Variants in KCNMA1 observed in about 807,000 individuals in gnomAD.
The protein encoded by KCNMA1 is Calcium-activated potassium channel subunit alpha-1.
A neutral mutation model predicts 140.0 loss-of-function variants in KCNMA1; 29 were observed. The ratio of observed to expected loss-of-function variants is 0.21; its 90% CI spans 0.15 to 0.28. The LOEUF is 0.28. KCNMA1 is among the 10% of genes least tolerant of loss of function. KCNMA1 has a pLI of 1.00. For missense variants in KCNMA1, 880 were observed against 1,602.2 expected, an observed-to-expected ratio of 0.55 and a Z score of 7.70; for synonymous variants, 612 against 611.9, an observed-to-expected ratio of 1.00 and a Z score of 0.00.
intron 2 of KCNMA1, among the ~76,000 whole-genome samples, chr10:77,370,276 A>T (rs2094603806): frequency 6.6e-6 from 1 of 152,166 alleles, no homozygotes; most frequent in Non-Finnish European, 1.5e-5. Flanking sequence ...AAACATTCAG[A>T]GAGGATAAAA....
chr10:76,985,777 T>C (rs2081099160), intron 19 of KCNMA1, among the ~76,000 whole-genome samples: 6 of 152,166 alleles, frequency 3.9e-5, no homozygotes, highest in Admixed American at 3.9e-4. Flanking sequence ...GAAAGGCACA[T>C]TGTGGCTTCA....
chr10:77,006,979 T>C (rs74140243), intron 18 of KCNMA1, among the ~76,000 whole-genome samples: 1,606 of 152,276 alleles, frequency 0.011, 21 homozygotes, highest in African/African-American at 0.037. Context: ...CAAAATCAGA[T>C]GATCAACTTG....
intron 14 of KCNMA1, chr10:77,063,680 A>T: frequency 1.1e-6 from 1 of 949,778 alleles, no homozygotes; most frequent in Non-Finnish European, 1.3e-6. Flanking sequence ...AGACTTAAGG[A>T]AATCTGATAT....
intron 1 of KCNMA1, among the ~76,000 whole-genome samples, chr10:77,607,778 C>T (rs1204821397): frequency 6.6e-6 from 1 of 152,162 alleles, no homozygotes; most frequent in East Asian, 1.9e-4. Context: ...AACTGATTTC[C>T]GACTTCTCGC....
At chr10:77,617,740 TGATTTAGAG>T (rs1739702513) in intron 1 of KCNMA1, among the ~76,000 whole-genome samples, 1 of 152,208 alleles carries the variant, frequency 6.6e-6, no homozygotes, top group Non-Finnish European at 1.5e-5. Flanking sequence ...CATCATAGGC[TGATTTAGAG>T]GATTGAGATA....
intron 2 of KCNMA1, among the ~76,000 whole-genome samples, chr10:77,330,131 C>T (rs1220580960): frequency 1.3e-5 from 2 of 152,152 alleles, no homozygotes; most frequent in Admixed American, 6.6e-5. Context: ...GGACATATCA[C>T]GTAAGATCTG....
chr10:77,296,249 C>T (rs1431027294), intron 2 of KCNMA1, among the ~76,000 whole-genome samples: 1 of 151,972 alleles, frequency 6.6e-6, no homozygotes, highest in African/African-American at 2.4e-5. Flanking sequence ...CCAACAGAAG[C>T]AAAAGTAAGA....
intron 2 of KCNMA1, 142 bp downstream of exon 2, chr10:77,403,720 C>G (rs556363461): frequency 1.4e-6 from 1 of 736,700 alleles, no homozygotes. Flanking sequence ...TCCATGACCA[C>G]GCGGGAGCAC....
chr10:77,582,344 T>C (rs935027597), intron 1 of KCNMA1, among the ~76,000 whole-genome samples: 3 of 152,246 alleles, frequency 2.0e-5, no homozygotes, highest in East Asian at 3.9e-4. Context: ...TTATGAGGCA[T>C]AAACAACTTA....
chr10:77,179,664 G>T (rs950171943), intron 5 of KCNMA1, among the ~76,000 whole-genome samples: 1 of 152,194 alleles, frequency 6.6e-6, no homozygotes, highest in Non-Finnish European at 1.5e-5. Context: ...AAGAAGAGCA[G>T]AGGAAGAGTG....
chr10:77,352,255 T>C lies in KCNMA1; in HGVS notation c.540+51607A>G, dbSNP rs71475651. ...TCAGAAAACAACAGTTTCTTATTTC[T>C]CCTGGTTAGTGGTCCTTTGGAAATC... On this transcript the variant is annotated intron_variant, in intron 2 of 27. Coordinates refer to ENST00000286628, the MANE Select transcript of KCNMA1 (RefSeq NM_001161352.2). 9.3e-3 allele frequency among the ~76,000 whole-genome samples: 1,413 copies of C among 152,362 alleles called. 16 individuals are homozygous for C. Among genetic ancestry groups the C allele is most frequent in the Admixed American group, 0.015 (233 of 15,310 alleles).
At chr10:77,195,186 T>C (rs2040045533) in intron 3 of KCNMA1, among the ~76,000 whole-genome samples, 1 of 152,190 alleles carries the variant, frequency 6.6e-6, no homozygotes, top group Non-Finnish European at 1.5e-5. Flanking sequence ...GTGTCTTAGC[T>C]CCGTCTTTGG....
At chr10:77,233,112 A>C (rs2054176192) in intron 3 of KCNMA1, among the ~76,000 whole-genome samples, 2 of 152,220 alleles carry the variant, frequency 1.3e-5, no homozygotes. Context: ...ACTGGACAGC[A>C]TCATTAATTG....
chr10:77,608,960 T>C (rs2085629682), intron 1 of KCNMA1, among the ~76,000 whole-genome samples: 1 of 151,974 alleles, frequency 6.6e-6, no homozygotes, highest in Non-Finnish European at 1.5e-5. Flanking sequence ...CTGGTGTGGG[T>C]ATAAAGAAAA....
At chr10:77,559,542 C>T (rs1194351778) in intron 1 of KCNMA1, among the ~76,000 whole-genome samples, 2 of 152,238 alleles carry the variant, frequency 1.3e-5, no homozygotes, top group Non-Finnish European at 1.5e-5. Context: ...GCCACACCAC[C>T]AGCTGTCCTC....
chr10:77,308,898 GAGAATTGCTT>G (rs1488274013), intron 2 of KCNMA1, among the ~76,000 whole-genome samples: 1 of 152,160 alleles, frequency 6.6e-6, no homozygotes, highest in Non-Finnish European at 1.5e-5. Context: ...CAAGGTGCTG[GAGAATTGCTT>G]AAGGCCACAC....
At chr10:76,976,174 C>T (rs2077454217) in intron 19 of KCNMA1, among the ~76,000 whole-genome samples, 1 of 152,160 alleles carries the variant, frequency 6.6e-6, no homozygotes, top group Admixed American at 6.5e-5. Flanking sequence ...CTGTACTGCC[C>T]TAGGACAGGC....
intron 3 of KCNMA1, among the ~76,000 whole-genome samples, chr10:77,187,410 C>T (rs995227529): frequency 6.6e-6 from 1 of 152,126 alleles, no homozygotes; most frequent in South Asian, 2.1e-4. Flanking sequence ...TGTTGAAAAA[C>T]GCACCTTAAC....
At chr10:77,119,029 C>T (rs1564644382) in intron 6 of KCNMA1, among the ~76,000 whole-genome samples, 1 of 152,178 alleles carries the variant, frequency 6.6e-6, no homozygotes, top group Non-Finnish European at 1.5e-5. Context: ...TTTTGGGGCC[C>T]GGATGGCAGA....
Sources: allele counts gnomAD v4.1 joint callset (sites outside exome capture counted in the v4.1 genomes callset), GRCh38; gene constraint gnomAD v4.1.1; transcripts MANE v1.5; gene names NCBI Gene and HGNC (gene_info 2026-07-23, HGNC 2026-07-21).